MTMR1: variants seen among roughly 807,000 people sequenced by gnomAD.
The protein encoded by MTMR1 is phosphatidylinositol-3-phosphate phosphatase MTMR1.
MTMR1 carries 17 observed loss-of-function variants against 51.6 expected under a neutral mutation model. The observed-to-expected ratio is 0.33, with a 90% CI of 0.23 to 0.49. MTMR1 has a LOEUF of 0.49. MTMR1 is among the 20% of genes least tolerant of loss of function. The probability of loss-of-function intolerance (pLI) is 0.99; values close to 1 mark genes in which losing one functional copy is unlikely to be tolerated. For synonymous variants in MTMR1, 201 were observed against 205.6 expected (o/e 0.98, Z 0.19); for missense variants, 386 against 526.9 (o/e 0.73, Z 2.62).
intron 2 of MTMR1, among the ~76,000 whole-genome samples, chrX:150,710,887 C>T (rs1380152356): frequency 1.8e-5 from 2 of 112,020 alleles, no homozygotes; most frequent in African/African-American, 6.5e-5. Flanking sequence ...GGTTAATAGA[C>T]ACTTTAAAGT....
intron 1 of MTMR1, among the ~76,000 whole-genome samples, chrX:150,696,912 CCTT>C (rs782226007): frequency 3.1e-4 from 35 of 111,385 alleles, no homozygotes; most frequent in African/African-American, 8.2e-4. Flanking sequence ...AAGGGGTCAA[CCTT>C]CTTCTCCGCT....
intron 12 of MTMR1, among the ~76,000 whole-genome samples, chrX:150,742,049 C>T (rs930594693): frequency 8.9e-6 from 1 of 112,329 alleles, no homozygotes; most frequent in Non-Finnish European, 1.9e-5. Context: ...GTGGAAGCAA[C>T]CCCAGTGTCC....
intron 1 of MTMR1, among the ~76,000 whole-genome samples, chrX:150,697,121 C>T (rs1240179088): frequency 8.9e-6 from 1 of 112,052 alleles, no homozygotes; most frequent in Non-Finnish European, 1.9e-5. Context: ...GGCATTATGA[C>T]AAGAAAAGTA....
intron 15 of MTMR1, among the ~76,000 whole-genome samples, chrX:150,758,990 T>A (rs2042992738): frequency 8.9e-6 from 1 of 112,398 alleles, no homozygotes; most frequent in Non-Finnish European, 1.9e-5. Flanking sequence ...CCAGGAACTA[T>A]GAGTGAGCGT....
intron 7 of MTMR1, 59 bp downstream of exon 7, chrX:150,730,269 G>A (rs1027502882): frequency 3.0e-5 from 24 of 806,404 alleles, no homozygotes; most frequent in Non-Finnish European, 4.1e-5. Context: ...AATATCCTAT[G>A]TTTAATTATT....
intron 2 of MTMR1, among the ~76,000 whole-genome samples, chrX:150,700,913 T>C (rs1373518471): frequency 8.9e-6 from 1 of 112,853 alleles, no homozygotes; most frequent in Non-Finnish European, 1.9e-5. Context: ...ATCTGTACTT[T>C]AACATGAAGC....
intron 4 of MTMR1, among the ~76,000 whole-genome samples, chrX:150,724,739 A>C (rs2041873745): frequency 8.9e-6 from 1 of 112,164 alleles, no homozygotes; most frequent in African/African-American, 3.2e-5. Flanking sequence ...TTAGGTCTCT[A>C]ATCCATCTTG....
chrX:150,718,607 T>TCCAGGCTC lies in MTMR1; in HGVS notation c.277-18_277-17insCCAGGCTC. 1.1e-6 allele frequency: 1 copy of TCCAGGCTC among 916,021 alleles called. No homozygotes were observed. Among genetic ancestry groups the TCCAGGCTC allele is most frequent in the Non-Finnish European group, 1.4e-6 (1 of 719,634 alleles). The allele number at this position is 916,021 out of a possible 1,213,427, so 75.5% of individuals were successfully genotyped here. A position where few individuals can be genotyped will look rare whatever the true frequency, so the allele number is the denominator to read the frequency against. Reference sequence around the variant, plus strand: ...TCCTTTTTTTTTTTTTTTTTTTTTTTTTTTTTTTTTTTGCCAGGCTCTAAG... The same window carrying TCCAGGCTC: ...TCCTTTTTTTTTTTTTTTTTTTTTTTCCAGGCTCTTTTTTTTTTTTGCCAGGCTCTAAG... On this transcript the variant is annotated splice_polypyrimidine_tract_variant and intron_variant, in intron 3 of 15. Coordinates refer to ENST00000445323, the MANE Select transcript of MTMR1 (RefSeq NM_001306144.3).
chrX:150,694,425 T>TA (rs1209806857), intron 1 of MTMR1, among the ~76,000 whole-genome samples: 2 of 111,605 alleles, frequency 1.8e-5, no homozygotes, highest in African/African-American at 6.5e-5. Context: ...AGAGATGGCC[T>TA]ATCGTGTAAC....
chrX:150,751,922 T>C (rs1223852045), intron 14 of MTMR1, among the ~76,000 whole-genome samples: 1 of 96,017 alleles, frequency 1.0e-5, no homozygotes, highest in African/African-American at 3.8e-5. Context: ...TTTTTTTTTT[T>C]TTTTTTTTTT....
At chrX:150,757,722 C>T (rs2042944633) in intron 15 of MTMR1, among the ~76,000 whole-genome samples, 1 of 111,921 alleles carries the variant, frequency 8.9e-6, no homozygotes, top group South Asian at 3.7e-4. Context: ...TCAGCTCTTC[C>T]CAGAGTCTTC....
intron 15 of MTMR1, among the ~76,000 whole-genome samples, chrX:150,760,251 G>C (rs2043057738): frequency 9.3e-6 from 1 of 107,048 alleles, no homozygotes; most frequent in Admixed American, 1.0e-4. Flanking sequence ...TCAGTGGCTG[G>C]TGTGGGTGTC....
rs1415618153 is a variant in MTMR1, at chrX:150,694,148, G to A, written c.146+472G>A. Among the ~76,000 whole-genome samples the A allele has an allele frequency of 4.5e-5, 5 of 111,507 alleles. No individual in the cohort carries two copies. The Admixed American group carries it at 4.7e-4, about 11-fold the overall frequency. On this transcript the variant is annotated intron_variant, in intron 1 of 15. Coordinates refer to ENST00000445323, the MANE Select transcript of MTMR1 (RefSeq NM_001306144.3). ...TCTTTGATGGGGGGTTGGGAGTGAGGACGGGGAGATGGGACCCCGCGGGCG... is the reference window on the plus strand; with the variant it reads ...TCTTTGATGGGGGGTTGGGAGTGAGAACGGGGAGATGGGACCCCGCGGGCG...
chrX:150,755,185 G>A (rs781873615), intron 14 of MTMR1, among the ~76,000 whole-genome samples: 1 of 111,338 alleles, frequency 9.0e-6, no homozygotes, highest in South Asian at 3.8e-4. Context: ...CTCCTGAGGA[G>A]CTGGGACTAT....
intron 12 of MTMR1, among the ~76,000 whole-genome samples, chrX:150,743,869 G>A (rs1272833902): frequency 8.9e-6 from 1 of 112,584 alleles, no homozygotes; most frequent in African/African-American, 3.2e-5. Flanking sequence ...TTGAGTTGTT[G>A]GGGTTCTCTG....
intron 2 of MTMR1, among the ~76,000 whole-genome samples, chrX:150,710,369 G>A (rs782553384): frequency 1.8e-5 from 2 of 111,356 alleles, no homozygotes; most frequent in African/African-American, 3.3e-5. Context: ...GTTTTGTTTT[G>A]TTCTGTTTTT....
At chrX:150,751,058 G>C (rs974893575) in intron 14 of MTMR1, 8 of 1,144,453 alleles carry the variant, frequency 7.0e-6, no homozygotes, top group Non-Finnish European at 5.8e-6. Flanking sequence ...CAGCGAGCCC[G>C]TGGCTCTCTC....
intron 1 of MTMR1, among the ~76,000 whole-genome samples, chrX:150,695,986 C>T (rs782016780): frequency 3.6e-5 from 4 of 111,657 alleles, no homozygotes; most frequent in Non-Finnish European, 7.5e-5. Flanking sequence ...GTGTGGGGGC[C>T]GGATAACTGG....
At chrX:150,711,685 C>G (rs1319762305) in intron 2 of MTMR1, among the ~76,000 whole-genome samples, 4 of 112,400 alleles carry the variant, frequency 3.6e-5, no homozygotes, top group African/African-American at 1.3e-4. Flanking sequence ...AGCCACTTAC[C>G]TCTTCCCGCG....
Sources: gnomAD v4.1 joint callset for allele counts (sites outside exome capture counted in the v4.1 genomes callset) on GRCh38, gnomAD v4.1.1 for gene constraint, MANE v1.5 for transcripts, NCBI Gene and HGNC (gene_info 2026-07-23, HGNC 2026-07-21) for gene names.